Variants in GCNT3 observed in about 807,000 individuals in gnomAD.
GCNT3 encodes the protein glucosaminyl (N-acetyl) transferase 3, mucin type.
For synonymous variants in GCNT3, 269 were observed against 195.2 expected, an observed-to-expected ratio of 1.38 and a Z score of -3.15; for missense variants, 708 against 530.3, an observed-to-expected ratio of 1.34 and a Z score of -3.29.
chr15:59,613,597 C>T (rs184738519), intron 1 of GCNT3, among the ~76,000 whole-genome samples: 1 of 151,288 alleles, frequency 6.6e-6, no homozygotes, highest in Non-Finnish European at 1.5e-5. Flanking sequence ...AATAAATCAG[C>T]TGAGTGTAAT....
Position 59,620,871 on chromosome 15 carries a change from CTTTTTTTTTTTTTTTTTTTT to C in GCNT3, c.*1326_*1345del. On this transcript the variant is annotated 3_prime_UTR_variant, in exon 3 of 3. Transcript: ENST00000396065. ...TGTTTAGGCCTCTTGAGTCAAAACT[CTTTTTTTTTTTTTTTTTTTT>C]TTTTTTTTTGGAGACAGGTTCTCAC... is the stretch of plus-strand genomic sequence containing the variant. The C allele has an allele frequency of 2.0e-5, 1 of 51,150 alleles. No individual in the cohort carries two copies. The highest frequency in any genetic ancestry group is 9.9e-4 in the South Asian group (1 of 1,012). 3.2% of individuals were successfully genotyped at this position (51,150 alleles called of 1,614,324 possible). A position where few individuals can be genotyped will look rare whatever the true frequency, so the allele number is the denominator to read the frequency against.
rs374148086 is a variant in GCNT3, at chr15:59,618,209, C to G, written c.-30C>G. On this transcript the variant is annotated 5_prime_UTR_variant, in exon 3 of 3. Transcript: ENST00000396065. ...TGTCCTCCTCCACCTTCCCTGTGCT[C>G]GGTCTCCACCTGTCTCCCATTCTGT... 1.3e-5 allele frequency: 16 copies of G among 1,272,308 alleles called. No individual in the cohort carries two copies. The highest frequency in any genetic ancestry group is 1.8e-5 in the Non-Finnish European group (16 of 906,622). The allele number at this position is 1,272,308 out of a possible 1,614,324, so 78.8% of individuals were successfully genotyped here.
intron 1 of GCNT3, among the ~76,000 whole-genome samples, chr15:59,613,573 T>TAAATAA (rs1381263499): frequency 4.8e-4 from 63 of 132,446 alleles, no homozygotes; most frequent in Non-Finnish European, 6.0e-4. Flanking sequence ...AATAAATAAA[T>TAAATAA]AAATAAAAAT....
Position 59,613,929 on chromosome 15 carries a change from A to G in GCNT3, c.-251+1948A>G, listed in dbSNP as rs114280883. ...CTACTTGGGAAGCTAAGGTGGAAGGATGGCTTGAACCCAGGAGTTCGAGGC... is the reference window on the plus strand; with the variant it reads ...CTACTTGGGAAGCTAAGGTGGAAGGGTGGCTTGAACCCAGGAGTTCGAGGC... On this transcript the variant is annotated intron_variant, in intron 1 of 2. Coordinates refer to ENST00000396065, the MANE Select transcript of GCNT3 (RefSeq NM_004751.3). Among the ~76,000 whole-genome samples, 1,287 of 152,246 alleles carry G rather than the reference A, an allele frequency of 8.5e-3. 22 individuals are homozygous for G. Among genetic ancestry groups the G allele is most frequent in the African/African-American group, 0.03 (1,229 of 41,528 alleles).
intron 1 of GCNT3, among the ~76,000 whole-genome samples, chr15:59,613,659 G>C (rs1341680520): frequency 6.6e-6 from 1 of 152,196 alleles, no homozygotes; most frequent in Admixed American, 6.5e-5. Context: ...CCAGGAGGCA[G>C]AGGTTGCAGT....
Position 59,618,576 on chromosome 15 carries a change from T to C in GCNT3, c.338T>C (p.Phe113Ser), listed in dbSNP as rs762187773. ...TCCCTCACCAGAGACTGTGAGCACT[T>C]CAAGGCTGAAAGGAAGTTCATACAG... ...YLSLTRDCEH[F>S]KAERKFIQFP... The change falls in exon 3 of 3, where the codon TTC becomes TCC. Residue 113 changes from phenylalanine to serine, a missense_variant. Transcript: ENST00000396065. The C allele has an allele frequency of 6.2e-7, 1 of 1,613,964 alleles. No individual in the cohort carries two copies. Among genetic ancestry groups the C allele is most frequent in the Admixed American group, 1.7e-5 (1 of 59,988 alleles).
chr15:59,613,569 TAAATAAATAA>T (rs1208846082), intron 1 of GCNT3, among the ~76,000 whole-genome samples: 67 of 136,626 alleles, frequency 4.9e-4, no homozygotes, highest in African/African-American at 1.4e-3. Context: ...AATAAATAAA[TAAATAAATAA>T]AAATAAAAAT....
chr15:59,613,927 G>A (rs2082708006), intron 1 of GCNT3, among the ~76,000 whole-genome samples: 1 of 152,188 alleles, frequency 6.6e-6, no homozygotes, highest in South Asian at 2.1e-4. Flanking sequence ...TAAGGTGGAA[G>A]GATGGCTTGA....
intron 1 of GCNT3, among the ~76,000 whole-genome samples, chr15:59,614,756 T>G (rs2082711959): frequency 6.6e-6 from 1 of 152,188 alleles, no homozygotes; most frequent in Non-Finnish European, 1.5e-5. Context: ...TCTCATCCTG[T>G]GATTTAGAAT....
intron 1 of GCNT3, among the ~76,000 whole-genome samples, chr15:59,612,218 C>T (rs2082699482): frequency 6.6e-6 from 1 of 152,132 alleles, no homozygotes; most frequent in Non-Finnish European, 1.5e-5. Flanking sequence ...TTTCCACAAA[C>T]ATACAAGGAT....
chr15:59,620,647 A>T lies in GCNT3; in HGVS notation c.*1092A>T, dbSNP rs562287131. The T allele has an allele frequency of 6.0e-6, 1 of 167,036 alleles. No homozygotes were observed. The highest frequency in any genetic ancestry group is 6.5e-5 in the Admixed American group (1 of 15,278). The allele number at this position is 167,036 out of a possible 1,614,324, so 10.3% of individuals were successfully genotyped here. A position where few individuals can be genotyped will look rare whatever the true frequency, so the allele number is the denominator to read the frequency against. On this transcript the variant is annotated 3_prime_UTR_variant, in exon 3 of 3. Transcript: ENST00000396065. ...ACAGGAAAATCGCAGCACTAATTCT[A>T]ATTTTGTCCACTTTACAGCCAAAGC...
Position 59,619,127 on chromosome 15 carries a change from G to C in GCNT3, c.889G>C (p.Ala297Pro). ...PYNLTMFTGN[A>P]YIVASRDFVQ... ...TAATTTAACTATGTTTACAGGGAAT[G>C]CGTACATTGTGGCTTCCCGAGATTT... Residue 297 changes from alanine (A) to proline (P), a missense_variant, in exon 3 of 3, where the codon GCG (alanine) becomes CCG (proline). Ala to Pro is a conservative substitution (Grantham distance 27, BLOSUM62 -1). Transcript: ENST00000396065. The C allele has an allele frequency of 6.2e-7, 1 of 1,614,128 alleles. No homozygotes were observed. Among genetic ancestry groups the C allele is most frequent in the Non-Finnish European group, 8.5e-7 (1 of 1,180,002 alleles).
rs2082721728 is a variant in GCNT3, at chr15:59,616,815, C to G, written c.-127C>G. The G allele has an allele frequency of 6.6e-6, 1 of 152,230 alleles. No homozygotes were observed. The highest frequency in any genetic ancestry group is 1.5e-5 in the Non-Finnish European group (1 of 68,042). 9.4% of individuals were successfully genotyped at this position (152,230 alleles called of 1,614,324 possible). ...TTTGCTGCCACGGAACACCGCCAGT[C>G]TTCACTTGGAAACAGAATCACGCCT... On this transcript the variant is annotated 5_prime_UTR_variant, in exon 2 of 3. Coordinates refer to ENST00000396065, the MANE Select transcript of GCNT3 (RefSeq NM_004751.3).
chr15:59,621,077 G>T lies in GCNT3; in HGVS notation c.*1522G>T, dbSNP rs150832583. The T allele has an allele frequency of 1.3e-5, 2 of 151,280 alleles. No homozygotes were observed. The highest frequency in any genetic ancestry group is 2.9e-5 in the Non-Finnish European group (2 of 67,850). 9.4% of individuals were successfully genotyped at this position (151,280 alleles called of 1,614,324 possible). ...TTTGTGTATTTTTAGTAAAGATGGG[G>T]TTTCACCATGTTGGCCAGGTTGGTC... On this transcript the variant is annotated 3_prime_UTR_variant, in exon 3 of 3. Coordinates refer to ENST00000396065, the MANE Select transcript of GCNT3 (RefSeq NM_004751.3).
rs1418846295 is a variant in GCNT3, at chr15:59,622,645, T to TC, written c.*3091dup. 1 of 152,212 alleles carries TC rather than the reference T, an allele frequency of 6.6e-6. No individual in the cohort carries two copies. The allele number at this position is 152,212 out of a possible 1,614,324, so 9.4% of individuals were successfully genotyped here. On this transcript the variant is annotated 3_prime_UTR_variant, in exon 3 of 3. Transcript: ENST00000396065. ...ATTCTCTGAGAAAAGAACTTTGGCC[T>TC]CATAGTTAACTTACTCCAAAAGCTT... is the stretch of plus-strand genomic sequence containing the variant.
Position 59,620,561 on chromosome 15 carries a change from T to C in GCNT3, c.*1006T>C. On this transcript the variant is annotated 3_prime_UTR_variant, in exon 3 of 3. Transcript: ENST00000396065. ...TTTGTTTATATTGCCAGGTTTGTGA[T>C]TTTTCTGTAAAGGAAAAGGCAGGGT... 1.2e-5 allele frequency: 2 copies of C among 167,134 alleles called. No individual in the cohort carries two copies. The allele number at this position is 167,134 out of a possible 1,614,324, so 10.4% of individuals were successfully genotyped here. A position where few individuals can be genotyped will look rare whatever the true frequency, so the allele number is the denominator to read the frequency against.
At chr15:59,612,426 T>C (rs1383721945) in intron 1 of GCNT3, among the ~76,000 whole-genome samples, 2 of 152,192 alleles carry the variant, frequency 1.3e-5, no homozygotes, top group Non-Finnish European at 2.9e-5. Context: ...ATATTTTGGT[T>C]ACTGAGGGAG....
chr15:59,616,480 A>G (rs1249219464), intron 1 of GCNT3: 1 of 152,222 alleles, frequency 6.6e-6, no homozygotes, highest in Admixed American at 6.5e-5. Context: ...TTTTATGAAT[A>G]GTTGGTGACA....
Position 59,622,504 on chromosome 15 carries a change from T to A in GCNT3, c.*2949T>A, listed in dbSNP as rs1165177132. The A allele has an allele frequency of 1.3e-5, 2 of 152,046 alleles. No homozygotes were observed. Among genetic ancestry groups the A allele is most frequent in the Non-Finnish European group, 2.9e-5 (2 of 68,022 alleles). The allele number at this position is 152,046 out of a possible 1,614,324, so 9.4% of individuals were successfully genotyped here. A position where few individuals can be genotyped will look rare whatever the true frequency, so the allele number is the denominator to read the frequency against. ...AGAGGTCTGTTGCCAGCAGTGGTGA[T>A]CGATCACGGCCTCCCCCTGCTGGCT... On this transcript the variant is annotated 3_prime_UTR_variant, in exon 3 of 3. Coordinates refer to ENST00000396065, the MANE Select transcript of GCNT3 (RefSeq NM_004751.3).
Sources: gnomAD v4.1 joint callset for allele counts (sites outside exome capture counted in the v4.1 genomes callset) on GRCh38, gnomAD v4.1.1 for gene constraint, MANE v1.5 for transcripts, NCBI Gene and HGNC (gene_info 2026-07-23, HGNC 2026-07-21) for gene names.